The following ZNF45 variants were observed in gnomAD, a reference collection of about 807,000 sequenced individuals.
ZNF45 encodes zinc finger protein 45.
ZNF45 carries 4 observed loss-of-function variants against 12.0 expected under a neutral mutation model. The observed-to-expected ratio is 0.33, with a 90% confidence interval of 0.16 to 0.76. The LOEUF is 0.76. Ranked by LOEUF, ZNF45 falls within the 30% of genes least tolerant of loss-of-function variation. ZNF45 has a pLI of 0.60. For missense variants in ZNF45, 700 were observed against 813.0 expected (o/e 0.86, Z 1.69); for synonymous variants, 272 against 279.6 (o/e 0.97, Z 0.27).
At chr19:43,923,388 T>C (rs1973373369) in intron 6 of ZNF45, among the ~76,000 whole-genome samples, 1 of 152,228 alleles carries the variant, frequency 6.6e-6, no homozygotes. Flanking sequence ...AGAACTTTTG[T>C]TACAGTATTT....
chr19:43,913,088 C>T lies in ZNF45; in HGVS notation c.*299G>A. The T allele has an allele frequency of 7.3e-6, 2 of 273,448 alleles. No individual in the cohort carries two copies. The highest frequency in any genetic ancestry group is 1.4e-5 in the Non-Finnish European group (2 of 145,414). 16.9% of individuals were successfully genotyped at this position (273,448 alleles called of 1,614,324 possible). The stretch of plus-strand genomic sequence containing the variant: ...AAGGCAGAGTAGATTTGGCAGTCAA[C>T]AAAGTCCCTGCCCTCTTGGATCTTA... On this transcript the variant is annotated 3_prime_UTR_variant, in exon 10 of 10. Transcript: ENST00000269973.
intron 3 of ZNF45, among the ~76,000 whole-genome samples, chr19:43,927,872 C>A (rs1036777576): frequency 1.3e-5 from 2 of 151,944 alleles, no homozygotes; most frequent in Non-Finnish European, 2.9e-5. Flanking sequence ...GAATACTAGG[C>A]GGCCATAAAA....
intron 9 of ZNF45, among the ~76,000 whole-genome samples, chr19:43,915,750 T>G (rs1195477405): frequency 6.6e-6 from 1 of 152,188 alleles, no homozygotes; most frequent in Non-Finnish European, 1.5e-5. Flanking sequence ...TCTGATGATC[T>G]GAGGTAGAAC....
chr19:43,922,174 A>G lies in ZNF45; in HGVS notation c.12T>C (p.Ser4=), dbSNP rs767586540. Residue 4 remains serine, a synonymous_variant, in exon 7 of 10, where the codon TCT becomes TCC. Transcript: ENST00000269973. Reference sequence around the variant, plus strand: ...GAGAAAGGGAGGTCCAACTCACCTTAGACTTCGTCATTTTGTCCTCCTCCT... The same window carrying G: ...GAGAAAGGGAGGTCCAACTCACCTTGGACTTCGTCATTTTGTCCTCCTCCT... MTK[S]KEAVTFKDVA... is the part of the protein sequence containing the mutation. 2 of 1,610,618 alleles carry G rather than the reference A, an allele frequency of 1.2e-6. No homozygotes were observed. The highest frequency in any genetic ancestry group is 1.1e-5 in the South Asian group (1 of 90,712).
intron 9 of ZNF45, among the ~76,000 whole-genome samples, chr19:43,915,959 C>T (rs387689): frequency 0.49 from 73,810 of 151,874 alleles, 18,847 homozygotes; most frequent in East Asian, 0.81. Context: ...GGTAATAACA[C>T]ACATTATTCT....
intron 7 of ZNF45, among the ~76,000 whole-genome samples, chr19:43,921,090 AG>A (rs1158087553): frequency 6.6e-6 from 1 of 152,166 alleles, no homozygotes; most frequent in Non-Finnish European, 1.5e-5. Flanking sequence ...CCACACAAAA[AG>A]GGCCAGGTCC....
intron 3 of ZNF45, 36 bp downstream of exon 3, chr19:43,932,568 C>A (rs1974215399): frequency 6.6e-6 from 1 of 152,194 alleles, no homozygotes; most frequent in Admixed American, 6.5e-5. Context: ...CACCCAAAAT[C>A]CAGATGCCTG....
Position 43,913,469 on chromosome 19 carries a change from A to C in ZNF45, c.1967T>G (p.Ile656Ser), listed in dbSNP as rs1249306669. 6.2e-7 allele frequency: 1 copy of C among 1,611,440 alleles called. No homozygotes were observed. Among genetic ancestry groups the C allele is most frequent in the Non-Finnish European group, 8.5e-7 (1 of 1,178,470 alleles). Residue 656 changes from isoleucine to serine, a missense_variant, in exon 10 of 10, where the codon ATC becomes AGC. Transcript: ENST00000269973. ...GKGFSWSSSL[I>S]IHQRVHADDE... ...ATCAGCATGGACTCGCTGATGAATG[A>C]TAAGACTTGAGCTCCAACTGAAGCC... is the stretch of plus-strand genomic sequence containing the variant.
At chr19:43,923,650 C>G (rs1053560123) in intron 6 of ZNF45, among the ~76,000 whole-genome samples, 1 of 151,936 alleles carries the variant, frequency 6.6e-6, no homozygotes, top group African/African-American at 2.4e-5. Context: ...CCATTTTAAC[C>G]ATTTTTTAAG....
In ZNF45 at chr19:43,922,190, T is replaced by A. The variant is rs188136163; in HGVS notation, c.-5A>T. ...ACTCACCTTAGACTTCGTCATTTTG[T>A]CCTCCTCCTTCTGGAGAAGTGCCAA... On this transcript the variant is annotated 5_prime_UTR_variant, in exon 7 of 10. Transcript: ENST00000269973. 6 of 1,608,944 alleles carry A rather than the reference T, an allele frequency of 3.7e-6. No individual in the cohort carries two copies. The African/African-American group carries it at 8.0e-5, about 21-fold the overall frequency.
At position 43,913,464 on chromosome 19, in the gene ZNF45, G is replaced by A; in HGVS notation, c.1972C>T (p.His658Tyr). ...GFSWSSSLII[H>Y]QRVHADDEGD... ...TCATCATCAGCATGGACTCGCTGATGAATGATAAGACTTGAGCTCCAACTG... is the reference window on the plus strand; with the variant it reads ...TCATCATCAGCATGGACTCGCTGATAAATGATAAGACTTGAGCTCCAACTG... Residue 658 changes from histidine to tyrosine, a missense_variant, in exon 10 of 10, where the codon CAT (histidine) becomes TAT (tyrosine). Coordinates refer to ENST00000269973, the MANE Select transcript of ZNF45 (RefSeq NM_003425.4). 3 of 1,610,206 alleles carry A rather than the reference G, an allele frequency of 1.9e-6. No individual in the cohort carries two copies. Among genetic ancestry groups the A allele is most frequent in the Non-Finnish European group, 2.5e-6 (3 of 1,177,722 alleles).
At chr19:43,922,304 T>C (rs1973255271) in intron 6 of ZNF45, 87 bp from the exon 7 acceptor site, 1 of 928,568 alleles carries the variant, frequency 1.1e-6, no homozygotes, top group South Asian at 1.9e-5. Context: ...TTTTTTTGTT[T>C]TGTTTTGTTT....
chr19:43,922,431 C>T lies in ZNF45; in HGVS notation c.-32-214G>A, dbSNP rs191861582. The stretch of plus-strand genomic sequence containing the variant: ...GCTGTAAGACCCTGGCAGCAAGTGA[C>T]CTGCCCGACCACACAGAGTATGCCC... On this transcript the variant is annotated intron_variant, in intron 6 of 9. Coordinates refer to ENST00000269973, the MANE Select transcript of ZNF45 (RefSeq NM_003425.4). 4.5e-5 allele frequency: 22 copies of T among 484,244 alleles called. 1 individual carries two copies. The Admixed American group carries it at 6.8e-4, about 15-fold the overall frequency. 30.0% of individuals were successfully genotyped at this position (484,244 alleles called of 1,614,324 possible). A position where few individuals can be genotyped will look rare whatever the true frequency, so the allele number is the denominator to read the frequency against.
At chr19:43,915,307 G>A (rs1972549368) in intron 9 of ZNF45, 107 bp from the exon 10 acceptor site, 1 of 1,206,364 alleles carries the variant, frequency 8.3e-7, no homozygotes, top group African/African-American at 1.5e-5. Flanking sequence ...ATTGAACCAG[G>A]AGAAGGTTCC....
At chr19:43,918,754 AT>A (rs1972887983) in intron 9 of ZNF45, 115 bp downstream of exon 9, 3 of 752,724 alleles carry the variant, frequency 4.0e-6, no homozygotes, top group African/African-American at 1.7e-5. Flanking sequence ...TTAGATATTC[AT>A]CAGGGGGAAA....
intron 8 of ZNF45, 50 bp from the exon 9 acceptor site, chr19:43,919,012 A>G (rs750507318): frequency 3.4e-6 from 5 of 1,452,852 alleles, no homozygotes; most frequent in Non-Finnish European, 3.9e-6. Flanking sequence ...CAGAAGCCAA[A>G]ATTACTCAAA....
chr19:43,919,017 C>T, intron 8 of ZNF45, 55 bp from the exon 9 acceptor site: 1 of 1,455,772 alleles, frequency 6.9e-7, no homozygotes, highest in Non-Finnish European at 9.6e-7. Context: ...GCCAAAATTA[C>T]TCAAAATTAT....
chr19:43,920,316 CGTT>C (rs1180615124), intron 7 of ZNF45, among the ~76,000 whole-genome samples: 7 of 151,718 alleles, frequency 4.6e-5, no homozygotes, highest in African/African-American at 1.5e-4. Context: ...TTAGCATATA[CGTT>C]GTTGTTCACC....
chr19:43,916,915 G>T (rs753478755), intron 9 of ZNF45, among the ~76,000 whole-genome samples: 3 of 152,120 alleles, frequency 2.0e-5, no homozygotes, highest in Non-Finnish European at 4.4e-5. Context: ...AGGCAGAAAA[G>T]TGGCCAGGGG....
Sources: gnomAD v4.1 joint callset for allele counts (sites outside exome capture counted in the v4.1 genomes callset) on GRCh38, gnomAD v4.1.1 for gene constraint, MANE v1.5 for transcripts, NCBI Gene and HGNC (gene_info 2026-07-23, HGNC 2026-07-21) for gene names.